Variants in KLC1 observed in about 807,000 individuals in gnomAD.
KLC1 encodes kinesin 2 60/70kDa.
In KLC1, 30 loss-of-function variants were observed where a neutral mutation model predicts 84.2. The ratio of observed to expected loss-of-function variants is 0.36; its 90% confidence interval spans 0.27 to 0.48. The LOEUF (loss-of-function observed/expected upper bound fraction) is 0.48, where lower values mean the gene tolerates loss of function less well. Among genes scored for constraint, KLC1 ranks in the 20% least tolerant of loss-of-function variants. KLC1 has a pLI of 0.99. For synonymous variants in KLC1, 289 were observed against 293.3 expected, an observed-to-expected ratio of 0.99 and a Z score of 0.15; for missense variants, 499 against 805.4, an observed-to-expected ratio of 0.62 and a Z score of 4.60.
intron 13 of KLC1, chr14:103,685,027 G>A: frequency 6.8e-7 from 1 of 1,468,242 alleles, no homozygotes; most frequent in Non-Finnish European, 9.3e-7. Flanking sequence ...GACTTGCTCA[G>A]CGTCCCATGG....
At chr14:103,665,040 AC>A (rs2079640017) in intron 5 of KLC1, among the ~76,000 whole-genome samples, 1 of 151,776 alleles carries the variant, frequency 6.6e-6, no homozygotes, top group African/African-American at 2.4e-5. Flanking sequence ...GTGAGAGTTG[AC>A]CCACGTGCGT....
At chr14:103,635,686 G>A (rs1209072331) in intron 1 of KLC1, among the ~76,000 whole-genome samples, 3 of 152,112 alleles carry the variant, frequency 2.0e-5, no homozygotes, top group Non-Finnish European at 2.9e-5. Context: ...CCCGGGAGGC[G>A]GAGGTTGCAG....
intron 1 of KLC1, among the ~76,000 whole-genome samples, chr14:103,631,489 C>G (rs2076683968): frequency 6.6e-6 from 1 of 152,182 alleles, no homozygotes; most frequent in East Asian, 1.9e-4. Flanking sequence ...TTAAAACATA[C>G]TTGTATAAAA....
At chr14:103,640,656 G>A (rs774530393) in intron 1 of KLC1, among the ~76,000 whole-genome samples, 64 of 151,958 alleles carry the variant, frequency 4.2e-4, no homozygotes, top group Admixed American at 3.9e-4. Context: ...CACCGCGCCC[G>A]GCCCTGTGAA....
At chr14:103,647,086 G>A (rs1301819620) in intron 1 of KLC1, among the ~76,000 whole-genome samples, 1 of 152,012 alleles carries the variant, frequency 6.6e-6, no homozygotes, top group Non-Finnish European at 1.5e-5. Context: ...CAGTTACACG[G>A]GTACAAATCC....
At chr14:103,667,676 CA>C (rs1193627201) in intron 5 of KLC1, among the ~76,000 whole-genome samples, 2 of 152,162 alleles carry the variant, frequency 1.3e-5, no homozygotes, top group African/African-American at 4.8e-5. Flanking sequence ...CTGACTTTCA[CA>C]AAAAGTTTGA....
intron 5 of KLC1, among the ~76,000 whole-genome samples, chr14:103,668,606 C>G (rs2080098177): frequency 6.6e-6 from 1 of 150,802 alleles, no homozygotes; most frequent in Non-Finnish European, 1.5e-5. Context: ...GCGTCCCCAG[C>G]AGCTGGGACA....
chr14:103,643,262 T>C (rs1346584392), intron 1 of KLC1, among the ~76,000 whole-genome samples: 3 of 152,188 alleles, frequency 2.0e-5, no homozygotes, highest in Admixed American at 2.0e-4. Context: ...TCTATAACTT[T>C]CCCCATCTCC....
In KLC1 at chr14:103,695,327, A is replaced by G. The variant is rs113884693; in HGVS notation, c.1848+2902A>G. ...AAAAACCATGTGTATATATATATAT[A>G]TGTGTGTGTGTGTATATATATATAT... On this transcript the variant is annotated intron_variant, in intron 15 of 16. Coordinates refer to ENST00000334553, the MANE Select transcript of KLC1 (RefSeq NM_001394837.1). The G allele has an allele frequency of 5.8e-3, 2,740 of 469,732 alleles. 11 individuals carry two copies. Among genetic ancestry groups the G allele is most frequent in the East Asian group, 0.022 (115 of 5,262 alleles). The allele number at this position is 469,732 out of a possible 1,614,324, so 29.1% of individuals were successfully genotyped here. A position where few individuals can be genotyped will look rare whatever the true frequency, so the allele number is the denominator to read the frequency against.
At position 103,694,356 on chromosome 14, in the gene KLC1, A is replaced by C; in HGVS notation, c.1848+1931A>C. 5.4e-6 allele frequency: 5 copies of C among 928,924 alleles called. No individual in the cohort carries two copies. The highest frequency in any genetic ancestry group is 6.4e-6 in the Non-Finnish European group (5 of 782,496). The allele number at this position is 928,924 out of a possible 1,614,324, so 57.5% of individuals were successfully genotyped here. On this transcript the variant is annotated intron_variant, in intron 15 of 16. Coordinates refer to ENST00000334553, the MANE Select transcript of KLC1 (RefSeq NM_001394837.1). The surrounding 1 kb of genome is among the most constrained non-coding windows in gnomAD (Gnocchi z 4.5). ...AAGCTCCACCTCCTGGGTTCACGCCATTCTCCTGCCTCAGCCTCCCGAGTA... is the reference window on the plus strand; with the variant it reads ...AAGCTCCACCTCCTGGGTTCACGCCCTTCTCCTGCCTCAGCCTCCCGAGTA...
chr14:103,698,844 ATCG>A, intron 15 of KLC1: 2 of 1,607,306 alleles, frequency 1.2e-6, no homozygotes, highest in Non-Finnish European at 1.7e-6. Context: ...TTCGGCACTG[ATCG>A]TGTAGGAACA....
chr14:103,670,352 TTTTG>T, intron 7 of KLC1, 69 bp downstream of exon 7: 2 of 1,171,664 alleles, frequency 1.7e-6, no homozygotes, highest in Non-Finnish European at 2.4e-6. Context: ...TTTTTTTTTT[TTTTG>T]AGATGGAGTC....
chr14:103,643,562 A>G (rs1392937541), intron 1 of KLC1, among the ~76,000 whole-genome samples: 2 of 152,220 alleles, frequency 1.3e-5, no homozygotes, highest in Non-Finnish European at 2.9e-5. Context: ...ACATGTGCCC[A>G]AGGTGGTCGG....
intron 14 of KLC1, among the ~76,000 whole-genome samples, chr14:103,688,471 A>G (rs559625101): frequency 2.6e-5 from 4 of 152,054 alleles, no homozygotes; most frequent in Admixed American, 6.6e-5. Context: ...TTTAAAAGCT[A>G]TTTAAAAAAA....
intron 1 of KLC1, among the ~76,000 whole-genome samples, chr14:103,634,483 T>A (rs2076909666): frequency 6.6e-6 from 1 of 152,128 alleles, no homozygotes; most frequent in African/African-American, 2.4e-5. Context: ...CAGTTAGAGA[T>A]ACATCTTTGG....
At chr14:103,681,703 C>T (rs143532069) in intron 13 of KLC1, among the ~76,000 whole-genome samples, 2,539 of 152,136 alleles carry the variant, frequency 0.017, 66 homozygotes, top group African/African-American at 0.056. Context: ...GTGATCTGCC[C>T]GCCTCGGCCT....
chr14:103,696,974 G>A, intron 15 of KLC1: 4 of 985,394 alleles, frequency 4.1e-6, no homozygotes, highest in Non-Finnish European at 4.8e-6. Flanking sequence ...TCCCTCCAGG[G>A]GCAGGAACTG....
rs766878662 is a variant in KLC1 at position 103,693,645 on chromosome 14, T to A, written c.1848+1220T>A. 2 of 1,534,576 alleles carry A rather than the reference T, an allele frequency of 1.3e-6. No individual in the cohort carries two copies. Among genetic ancestry groups the A allele is most frequent in the South Asian group, 1.2e-5 (1 of 83,984 alleles). ...AGCCAGCAGGGCTAGGTAACCTGTC[T>A]TGGGAGTGTGAGACCGCCCCGCCCT... On this transcript the variant is annotated intron_variant, in intron 15 of 16. Transcript: ENST00000334553. This position sits in a 1 kb window ranked among gnomAD's most constrained non-coding sequence, Gnocchi z 5.1.
Position 103,679,441 on chromosome 14 carries a change from A to C in KLC1, c.1546A>C (p.Met516Leu), listed in dbSNP as rs1441116196. ...AGAAGTGCTCAATGACCCTGAGAAC[A>C]TGGAGAAGCGCAGGAGCCGTGAGAG... The part of the protein sequence containing the change: ...VAEVLNDPEN[M>L]EKRRSRESLN... The change falls in exon 13 of 17, where the codon ATG (methionine) becomes CTG (leucine). Residue 516 changes from methionine (M) to leucine (L), a missense_variant. Transcript: ENST00000334553. 2.5e-6 allele frequency: 4 copies of C among 1,614,066 alleles called. No individual in the cohort carries two copies. The highest frequency in any genetic ancestry group is 3.4e-6 in the Non-Finnish European group (4 of 1,180,034).
Sources: gnomAD v4.1 joint callset for allele counts (sites outside exome capture counted in the v4.1 genomes callset) on GRCh38, gnomAD v4.1.1 for gene constraint, Gnocchi (gnomAD v3.1) non-coding constraint, MANE v1.5 for transcripts, NCBI Gene and HGNC (gene_info 2026-07-23, HGNC 2026-07-21) for gene names.